Variants in PPP1R26 observed in about 807,000 individuals in gnomAD.
PPP1R26 encodes the protein 1A6/DRIM (down-regulated in metastasis) interacting protein.
In PPP1R26, 22 loss-of-function variants were observed where a neutral mutation model predicts 67.6. That is an observed-to-expected ratio of 0.33 (90% CI 0.23 to 0.46). The LOEUF (loss-of-function observed/expected upper bound fraction) is 0.46. PPP1R26 is among the 20% of genes least tolerant of loss of function. The pLI, the probability that PPP1R26 is intolerant of heterozygous loss-of-function variation, is 1.00. For missense variants in PPP1R26, 1,602 were observed against 1,651.4 expected (o/e 0.97, Z 0.52); for synonymous variants, 729 against 717.2 (o/e 1.02, Z -0.26).
In PPP1R26 at chr9:135,487,647, G is replaced by A. The variant is rs1489239230; in HGVS notation, c.3137G>A (p.Gly1046Asp). 1 of 1,473,208 alleles carries A rather than the reference G, an allele frequency of 6.8e-7. No homozygotes were observed. Among genetic ancestry groups the A allele is most frequent in the African/African-American group, 1.4e-5 (1 of 71,062 alleles). The allele number at this position is 1,473,208 out of a possible 1,614,324, so 91.3% of individuals were successfully genotyped here. A position where few individuals can be genotyped will look rare whatever the true frequency, so the allele number is the denominator to read the frequency against. The stretch of plus-strand genomic sequence containing the variant: ...AGCCCGTGGGTGCTGCGCTCCGAAG[G>A]CAGAGATGCAGTGTGGAGGGGGGGC... ...LPSPWVLRSEGRDAVWRGGVG... is the reference protein window; with the variant it reads ...LPSPWVLRSEDRDAVWRGGVG... The change falls in exon 4 of 4, where the codon GGC (glycine) becomes GAC (aspartate). Residue 1046 changes from glycine to aspartate, a missense_variant. Coordinates refer to ENST00000356818, the MANE Select transcript of PPP1R26 (RefSeq NM_014811.5).
Position 135,486,001 on chromosome 9 carries a change from C to G in PPP1R26, c.1491C>G (p.Ala497=), listed in dbSNP as rs775509322. The G allele has an allele frequency of 6.2e-7, 1 of 1,613,198 alleles. No homozygotes were observed. Among genetic ancestry groups the G allele is most frequent in the South Asian group, 1.1e-5 (1 of 91,076 alleles). ...ACATCTCCAAGACGATCCTGCCGGC[C>G]CCTGTAGAGGGCAGTGACGGGTCCC... ...ILDISKTILP[A]PVEGSDGSLS... is the part of the protein sequence containing the mutation. Residue 497 remains alanine (A), a synonymous_variant, in exon 4 of 4, where the codon GCC becomes GCG. Coordinates refer to ENST00000356818, the MANE Select transcript of PPP1R26 (RefSeq NM_014811.5). This position sits in a 1 kb window ranked among gnomAD's most constrained non-coding sequence, Gnocchi z 6.2.
At chr9:135,479,369 C>T (rs1830431300), upstream of PPP1R26, among the ~76,000 whole-genome samples, 1 of 151,860 alleles carries the variant, frequency 6.6e-6, no homozygotes, top group Admixed American at 6.6e-5. The surrounding 1 kb of genome is among the most constrained non-coding windows in gnomAD (Gnocchi z 5.9). Flanking sequence ...CGCACGCTCC[C>T]TTCCCGCGGC....
Position 135,482,670 on chromosome 9 carries a change from T to C in PPP1R26, c.-328-13T>C. On this transcript the variant is annotated splice_polypyrimidine_tract_variant and intron_variant, in intron 1 of 3. Coordinates refer to ENST00000356818, the MANE Select transcript of PPP1R26 (RefSeq NM_014811.5). ...TGTAATTAGATGCCTCTGATTCTCT[T>C]TGATTCTGGTAGTCAAAAGTCTATT... 2.5e-6 allele frequency: 1 copy of C among 398,572 alleles called. No homozygotes were observed. The highest frequency in any genetic ancestry group is 4.4e-6 in the Non-Finnish European group (1 of 226,044). The allele number at this position is 398,572 out of a possible 1,614,324, so 24.7% of individuals were successfully genotyped here. A position where few individuals can be genotyped will look rare whatever the true frequency, so the allele number is the denominator to read the frequency against.
At chr9:135,479,493 T>A (rs900524701), upstream of PPP1R26, among the ~76,000 whole-genome samples, 1 of 148,760 alleles carries the variant, frequency 6.7e-6, no homozygotes, top group Non-Finnish European at 1.5e-5. The surrounding 1 kb of genome is among the most constrained non-coding windows in gnomAD (Gnocchi z 5.9). Context: ...AGCACGGGGC[T>A]CGGCCCGGCC....
chr9:135,484,766 A>G lies in PPP1R26; in HGVS notation c.256A>G (p.Lys86Glu). The G allele has an allele frequency of 6.2e-7, 1 of 1,610,994 alleles. No homozygotes were observed. Among genetic ancestry groups the G allele is most frequent in the Non-Finnish European group, 8.5e-7 (1 of 1,179,310 alleles). The change falls in exon 4 of 4, where the codon AAG becomes GAG. Residue 86 changes from lysine (K) to glutamate (E), a missense_variant. Around this residue, in one of 5 missense-constraint regions of PPP1R26, gnomAD observed 168 missense variants for 176.1 expected, o/e 0.95. Transcript: ENST00000356818. ...ATGCCACGACGCCAGGCCGGCTGCC[A>G]AGCCCACCGTGCACAAGGAGCCACC... ...EGCHDARPAA[K>E]PTVHKEPPAL...
In PPP1R26 at chr9:135,488,229, A is replaced by G. The variant is rs573634661; in HGVS notation, c.*89A>G. 3 of 1,438,644 alleles carry G rather than the reference A, an allele frequency of 2.1e-6. No homozygotes were observed. The highest frequency in any genetic ancestry group is 1.8e-6 in the Non-Finnish European group (2 of 1,095,804). 89.1% of individuals were successfully genotyped at this position (1,438,644 alleles called of 1,614,324 possible). A position where few individuals can be genotyped will look rare whatever the true frequency, so the allele number is the denominator to read the frequency against. On this transcript the variant is annotated 3_prime_UTR_variant, in exon 4 of 4. Transcript: ENST00000356818. Reference sequence around the variant, plus strand: ...GTGTGTGTGATGGTTCCGTGGCTGCAAGGAAGGGAAACAGTCTATTATACA... The same window carrying G: ...GTGTGTGTGATGGTTCCGTGGCTGCGAGGAAGGGAAACAGTCTATTATACA...
Position 135,485,452 on chromosome 9 carries a change from G to A in PPP1R26, c.942G>A (p.Glu314=). 1.2e-6 allele frequency: 2 copies of A among 1,613,000 alleles called. No homozygotes were observed. Among genetic ancestry groups the A allele is most frequent in the Non-Finnish European group, 1.7e-6 (2 of 1,179,986 alleles). ...GGTCCAAGGTCACAACCACGCAGGAGAACGAGGGCAGCACGAAGCCGGCAA... is the reference window on the plus strand; with the variant it reads ...GGTCCAAGGTCACAACCACGCAGGAAAACGAGGGCAGCACGAAGCCGGCAA... ...SLRSKVTTTQ[E]NEGSTKPATP... is the part of the protein sequence containing the mutation. The change falls in exon 4 of 4, where the codon GAG becomes GAA. Residue 314 remains glutamate (E), a synonymous_variant. Coordinates refer to ENST00000356818, the MANE Select transcript of PPP1R26 (RefSeq NM_014811.5). This position sits in a 1 kb window ranked among gnomAD's most constrained non-coding sequence, Gnocchi z 7.2.
rs139951646 is a variant in PPP1R26, at chr9:135,484,678, C to T, written c.168C>T (p.Arg56=). ...AGATGCTTATCAGCACTCTGCAGCG[C>T]GACGGGGCTGCTCGGGGCACCAGCG... The part of the protein sequence containing the change: ...RVQMLISTLQ[R]DGAARGTSDE... Residue 56 remains arginine (R), a synonymous_variant, in exon 4 of 4, where the codon CGC becomes CGT. Coordinates refer to ENST00000356818, the MANE Select transcript of PPP1R26 (RefSeq NM_014811.5). 18 of 1,610,346 alleles carry T rather than the reference C, an allele frequency of 1.1e-5. No individual in the cohort carries two copies. In the Admixed American group the frequency reaches 1.3e-4, roughly 12 times the overall value.
intron 1 of PPP1R26, among the ~76,000 whole-genome samples, chr9:135,481,297 A>G (rs1480866959): frequency 6.8e-6 from 1 of 146,424 alleles, no homozygotes; most frequent in Non-Finnish European, 1.5e-5. Context: ...GCTGGAGTGC[A>G]ATGGCTGATC....
Position 135,485,298 on chromosome 9 carries a change from T to C in PPP1R26, c.788T>C (p.Leu263Pro). The change falls in exon 4 of 4, where the codon CTC becomes CCC. Residue 263 changes from leucine to proline, a missense_variant. Transcript: ENST00000356818. The surrounding 1 kb of genome is among the most constrained non-coding windows in gnomAD (Gnocchi z 7.2). ...PDTNENSAKSLLKSHQEPPTK... is the reference protein window; with the variant it reads ...PDTNENSAKSPLKSHQEPPTK... ...ACAAATGAAAATTCCGCCAAGTCACTCTTGAAATCCCACCAAGAGCCGCCT... is the reference window on the plus strand; with the variant it reads ...ACAAATGAAAATTCCGCCAAGTCACCCTTGAAATCCCACCAAGAGCCGCCT... 1 of 1,612,844 alleles carries C rather than the reference T, an allele frequency of 6.2e-7. No individual in the cohort carries two copies.
At position 135,484,482 on chromosome 9, in the gene PPP1R26, C is replaced by T. The variant is rs746628916; in HGVS notation, c.-29C>T. 12 of 1,511,474 alleles carry T rather than the reference C, an allele frequency of 7.9e-6. No homozygotes were observed. Among genetic ancestry groups the T allele is most frequent in the Admixed American group, 2.1e-5 (1 of 47,596 alleles). The allele number at this position is 1,511,474 out of a possible 1,614,324, so 93.6% of individuals were successfully genotyped here. On this transcript the variant is annotated 5_prime_UTR_variant, in exon 4 of 4. Transcript: ENST00000356818. ...GCCGGTAGAGAAATAAAGCATCGCC[C>T]CTCTGCGCGCCCCTCCCCGTCTGCT...
Position 135,486,847 on chromosome 9 carries a change from G to A in PPP1R26, c.2337G>A (p.Arg779=), listed in dbSNP as rs770209730. Residue 779 remains arginine, a synonymous_variant, in exon 4 of 4, where the codon AGG becomes AGA. Transcript: ENST00000356818. The surrounding 1 kb of genome is among the most constrained non-coding windows in gnomAD (Gnocchi z 6.2). ...PPSVFGSTAE[R]MRQEGAASQD... ...GTGTCTTTGGCAGCACGGCAGAGAG[G>A]ATGAGGCAGGAGGGTGCCGCGAGCC... 1 of 1,611,482 alleles carries A rather than the reference G, an allele frequency of 6.2e-7. No homozygotes were observed. Among genetic ancestry groups the A allele is most frequent in the Non-Finnish European group, 8.5e-7 (1 of 1,179,446 alleles).
At position 135,484,259 on chromosome 9, in the gene PPP1R26, A is replaced by G; in HGVS notation, c.-63+177A>G. On this transcript the variant is annotated intron_variant, in intron 3 of 3. Coordinates refer to ENST00000356818, the MANE Select transcript of PPP1R26 (RefSeq NM_014811.5). ...GGAGCAGGTAAATTGTTCCTTTCCC[A>G]GCTGAGGAATCCGAGGCCCCAGGAG... 5.8e-6 allele frequency: 3 copies of G among 519,324 alleles called. No individual in the cohort carries two copies. The South Asian group carries it at 1.0e-4, about 17-fold the overall frequency. The allele number at this position is 519,324 out of a possible 1,614,324, so 32.2% of individuals were successfully genotyped here. A position where few individuals can be genotyped will look rare whatever the true frequency, so the allele number is the denominator to read the frequency against.
At position 135,485,015 on chromosome 9, in the gene PPP1R26, G is replaced by A. The variant is rs1830658456; in HGVS notation, c.505G>A (p.Gly169Ser). 6.3e-7 allele frequency: 1 copy of A among 1,590,024 alleles called. No individual in the cohort carries two copies. The highest frequency in any genetic ancestry group is 2.2e-5 in the East Asian group (1 of 44,684). Residue 169 changes from glycine to serine, a missense_variant, in exon 4 of 4, where the codon GGC becomes AGC. By Grantham distance (56) the Gly-to-Ser change is moderately conservative (BLOSUM62 0). Coordinates refer to ENST00000356818, the MANE Select transcript of PPP1R26 (RefSeq NM_014811.5). The surrounding 1 kb of genome is among the most constrained non-coding windows in gnomAD (Gnocchi z 7.2). ...AAQPSRAAGGGSRCKPEPAHG... is the reference protein window; with the variant it reads ...AAQPSRAAGGSSRCKPEPAHG... ...CCAGCCTTCCAGGGCCGCAGGCGGA[G>A]GCAGTAGATGTAAGCCGGAACCGGC...
chr9:135,481,726 C>A (rs1300471230), intron 1 of PPP1R26, among the ~76,000 whole-genome samples: 1 of 151,844 alleles, frequency 6.6e-6, no homozygotes, highest in African/African-American at 2.4e-5. Flanking sequence ...TCAAGCAATT[C>A]TCCTGTCTCA....
In PPP1R26 at chr9:135,486,696, C is replaced by G. The variant is rs1486762073; in HGVS notation, c.2186C>G (p.Thr729Arg). ...AAGGTCAGGTTCAGCACAGCCCAGA[C>G]GCACTTCTTGGAGCAGCTGGGCGGG... ...RKKVRFSTAQ[T>R]HFLEQLGGLR... Residue 729 changes from threonine to arginine, a missense_variant, in exon 4 of 4, where the codon ACG (threonine) becomes AGG (arginine). Physicochemically the swap from Thr to Arg is moderately conservative, Grantham distance 71 (BLOSUM62 -1). This residue lies in a region of PPP1R26 where 740 missense variants were observed against 696.3 expected (regional missense o/e 1.06). Coordinates refer to ENST00000356818, the MANE Select transcript of PPP1R26 (RefSeq NM_014811.5). The surrounding 1 kb of genome is among the most constrained non-coding windows in gnomAD (Gnocchi z 6.2). The G allele has an allele frequency of 6.3e-7, 1 of 1,596,884 alleles. No individual in the cohort carries two copies. The highest frequency in any genetic ancestry group is 1.3e-5 in the African/African-American group (1 of 74,540).
In PPP1R26 at chr9:135,487,822, C is replaced by A; in HGVS notation, c.3312C>A (p.Ser1104Arg). ...SWGGRQAGLF[S>R]PHLGLPLQGP... is the part of the protein sequence containing the mutation. ...GGGGCAGGCAGGCTGGCCTCTTCAGCCCCCACCTGGGGCTGCCTCTGCAGG... is the reference window on the plus strand; with the variant it reads ...GGGGCAGGCAGGCTGGCCTCTTCAGACCCCACCTGGGGCTGCCTCTGCAGG... The change falls in exon 4 of 4, where the codon AGC (serine) becomes AGA (arginine). Residue 1104 changes from serine to arginine, a missense_variant. Ser to Arg is a moderately radical substitution (Grantham distance 110). This residue lies in a region of PPP1R26 where 740 missense variants were observed against 696.3 expected (regional missense o/e 1.06). Coordinates refer to ENST00000356818, the MANE Select transcript of PPP1R26 (RefSeq NM_014811.5). 9 of 1,593,006 alleles carry A rather than the reference C, an allele frequency of 5.6e-6. No homozygotes were observed. Among genetic ancestry groups the A allele is most frequent in the Non-Finnish European group, 7.7e-6 (9 of 1,171,992 alleles).
chr9:135,488,387 AT>A lies in PPP1R26; in HGVS notation c.*251del. 1 of 592,256 alleles carries A rather than the reference AT, an allele frequency of 1.7e-6. No homozygotes were observed. Among genetic ancestry groups the A allele is most frequent in the Middle Eastern group, 5.6e-4 (1 of 1,778 alleles). 36.7% of individuals were successfully genotyped at this position (592,256 alleles called of 1,614,324 possible). A position where few individuals can be genotyped will look rare whatever the true frequency, so the allele number is the denominator to read the frequency against. ...TATTTTTGGAAAATACTGTTGTTCAATTTTGTAGGGTGTTCCTAACTGCAGT... is the reference window on the plus strand; with the variant it reads ...TATTTTTGGAAAATACTGTTGTTCAATTTGTAGGGTGTTCCTAACTGCAGT... On this transcript the variant is annotated 3_prime_UTR_variant, in exon 4 of 4. Coordinates refer to ENST00000356818, the MANE Select transcript of PPP1R26 (RefSeq NM_014811.5).
Position 135,484,588 on chromosome 9 carries a change from G to T in PPP1R26, c.78G>T (p.Arg26Ser), listed in dbSNP as rs1178975435. Residue 26 changes from arginine to serine, a missense_variant, in exon 4 of 4, where the codon AGG becomes AGT. Physicochemically the swap from Arg to Ser is moderately radical, Grantham distance 110 (BLOSUM62 -1). Transcript: ENST00000356818. ...CCTTTGGCCCGCCAGGGAGCTGTAG[G>T]TTCCCCAGGTGCTTCTCGGAGGCTG... The part of the protein sequence containing the change: ...WEAFGPPGSC[R>S]FPRCFSEADE... The T allele has an allele frequency of 6.2e-7, 1 of 1,612,762 alleles. No individual in the cohort carries two copies. Among genetic ancestry groups the T allele is most frequent in the South Asian group, 1.1e-5 (1 of 91,066 alleles).
Sources: gnomAD v4.1 joint callset for allele counts (sites outside exome capture counted in the v4.1 genomes callset) on GRCh38, gnomAD v4.1.1 for gene constraint, gnomAD v4.1.1 regional missense constraint, Gnocchi (gnomAD v3.1) non-coding constraint, MANE v1.5 for transcripts, NCBI Gene and HGNC (gene_info 2026-07-23, HGNC 2026-07-21) for gene names.